The following FOXP1 variants were observed in gnomAD, a reference collection of about 807,000 sequenced individuals.
FOXP1 encodes the protein forkhead box P1.
FOXP1 carries 15 observed loss-of-function variants against 98.2 expected under a neutral mutation model. The ratio of observed to expected loss-of-function variants is 0.15; its 90% CI spans 0.10 to 0.24. The LOEUF (loss-of-function observed/expected upper bound fraction) is 0.24. Among genes scored for constraint, FOXP1 ranks in the 10% least tolerant of loss-of-function variants. FOXP1 has a pLI of 1.00. For missense variants in FOXP1, 633 were observed against 848.5 expected (o/e 0.75, Z 3.15); for synonymous variants, 371 against 314.5 (o/e 1.18, Z -1.90).
At chr3:71,470,390 A>T (rs2089215115) in intron 3 of FOXP1, among the ~76,000 whole-genome samples, 1 of 152,254 alleles carries the variant, frequency 6.6e-6, no homozygotes, top group Admixed American at 6.5e-5. Context: ...GTTGTTATTC[A>T]TAAGTAATTC....
intron 13 of FOXP1, among the ~76,000 whole-genome samples, chr3:70,989,265 T>TA (rs1394138993): frequency 6.6e-6 from 1 of 151,772 alleles, no homozygotes; most frequent in Non-Finnish European, 1.5e-5. Context: ...AGCTTATCCC[T>TA]ACTGGATGAC....
rs747949694 is a variant in FOXP1, at chr3:70,973,244, G to GCCCCCGCCCCCGC, written c.1531-569_1531-568insGCGGGGGCGGGGG. Reference sequence around the variant, plus strand: ...GGTGGTGAACGGACCCCCCGCCCCCGCCCCGCCCCGCCCCGGTCAAGAGAT... The same window carrying GCCCCCGCCCCCGC: ...GGTGGTGAACGGACCCCCCGCCCCCGCCCCCGCCCCCGCCCCCGCCCCGCCCCGGTCAAGAGAT... On this transcript the variant is annotated intron_variant, in intron 17 of 20. Transcript: ENST00000649528. Among the ~76,000 whole-genome samples the GCCCCCGCCCCCGC allele has an allele frequency of 6.8e-5, 4 of 58,920 alleles. No homozygotes were observed. The East Asian group carries it at 1.9e-3, about 29-fold the overall frequency. 38.7% of individuals were successfully genotyped at this position (58,920 alleles called of 152,430 possible). A position where few individuals can be genotyped will look rare whatever the true frequency, so the allele number is the denominator to read the frequency against.
At chr3:71,269,885 A>C (rs1180826819) in intron 5 of FOXP1, among the ~76,000 whole-genome samples, 2 of 152,198 alleles carry the variant, frequency 1.3e-5, no homozygotes, top group African/African-American at 4.8e-5. Context: ...TCATATGCTA[A>C]GAGATTAAGG....
intron 4 of FOXP1, among the ~76,000 whole-genome samples, chr3:71,341,630 C>A (rs373968347): frequency 6.6e-6 from 1 of 152,098 alleles, no homozygotes; most frequent in Non-Finnish European, 1.5e-5. Flanking sequence ...ACCCAGTAGG[C>A]GGAGGTTGCT....
At chr3:71,466,682 C>T (rs1032756507) in intron 3 of FOXP1, among the ~76,000 whole-genome samples, 1 of 152,126 alleles carries the variant, frequency 6.6e-6, no homozygotes, top group Non-Finnish European at 1.5e-5. Context: ...GCTGACTCAG[C>T]GCTGAGTGCA....
At chr3:71,096,828 C>T (rs1015739132) in intron 7 of FOXP1, among the ~76,000 whole-genome samples, 1 of 152,196 alleles carries the variant, frequency 6.6e-6, no homozygotes, top group African/African-American at 2.4e-5. Context: ...TATAAGCCAA[C>T]TGTAGCCCTG....
chr3:71,324,213 T>C (rs1407369381), intron 4 of FOXP1, among the ~76,000 whole-genome samples: 1 of 152,188 alleles, frequency 6.6e-6, no homozygotes, highest in Non-Finnish European at 1.5e-5. Context: ...ACACATGTTG[T>C]TTAGTTCTGA....
At chr3:70,979,300 A>AAAAAAAAAAAAAAAG (rs2038309841) in intron 14 of FOXP1, among the ~76,000 whole-genome samples, 1 of 115,032 alleles carries the variant, frequency 8.7e-6, no homozygotes, top group Non-Finnish European at 2.0e-5. Flanking sequence ...AAAAAAAAAA[A>AAAAAAAAAAAAAAAG]AAAAAAAAAA....
chr3:71,471,520 A>G (rs751303570), intron 3 of FOXP1, among the ~76,000 whole-genome samples: 15 of 152,196 alleles, frequency 9.9e-5, no homozygotes, highest in Non-Finnish European at 1.8e-4. Context: ...TACACCTTCT[A>G]GTCATTCCAC....
intron 6 of FOXP1, among the ~76,000 whole-genome samples, chr3:71,185,081 T>C (rs767986340): frequency 2.0e-5 from 3 of 152,000 alleles, no homozygotes; most frequent in Non-Finnish European, 4.4e-5. Context: ...TAATCCCAGC[T>C]ACTCAGGAGG....
chr3:71,550,040 A>C (rs1435158709), intron 2 of FOXP1, among the ~76,000 whole-genome samples: 1 of 152,220 alleles, frequency 6.6e-6, no homozygotes, highest in Non-Finnish European at 1.5e-5. Context: ...TCATTGTATA[A>C]AAGTACTGCA....
At chr3:71,476,495 C>T (rs2089855564) in intron 3 of FOXP1, among the ~76,000 whole-genome samples, 1 of 151,920 alleles carries the variant, frequency 6.6e-6, no homozygotes, top group East Asian at 1.9e-4. Context: ...CATTTCATTG[C>T]AGAATGAGTC....
intron 2 of FOXP1, among the ~76,000 whole-genome samples, chr3:71,528,390 A>C (rs2043565282): frequency 6.6e-6 from 1 of 152,272 alleles, no homozygotes; most frequent in African/African-American, 2.4e-5. Context: ...TTAAACGCCT[A>C]ATTATATACC....
intron 5 of FOXP1, among the ~76,000 whole-genome samples, chr3:71,245,991 G>A (rs1038518673): frequency 8.5e-6 from 1 of 118,124 alleles, no homozygotes; most frequent in Admixed American, 7.7e-5. Flanking sequence ...CACTTAGTAC[G>A]AAAACCACCC....
intron 4 of FOXP1, among the ~76,000 whole-genome samples, chr3:71,304,991 G>T (rs1486269873): frequency 1.3e-5 from 2 of 151,984 alleles, no homozygotes; most frequent in African/African-American, 4.8e-5. Flanking sequence ...TCCTTGGATG[G>T]TTCACCCTTG....
intron 13 of FOXP1, among the ~76,000 whole-genome samples, chr3:70,994,444 A>G (rs1357363019): frequency 2.0e-5 from 3 of 152,120 alleles, no homozygotes; most frequent in Non-Finnish European, 4.4e-5. Context: ...TCCTTATCCT[A>G]CAATCTAGGC....
intron 3 of FOXP1, among the ~76,000 whole-genome samples, chr3:71,451,630 TA>T (rs1394655021): frequency 6.6e-6 from 1 of 152,060 alleles, no homozygotes; most frequent in East Asian, 1.9e-4. Flanking sequence ...AACAATACAG[TA>T]ATTAAAGTAC....
chr3:71,132,229 T>A (rs2059609737), intron 6 of FOXP1, among the ~76,000 whole-genome samples: 1 of 152,122 alleles, frequency 6.6e-6, no homozygotes, highest in Non-Finnish European at 1.5e-5. Context: ...GAGCTATAAG[T>A]AGTTCGAGAT....
At chr3:71,402,243 A>C (rs2081999564) in intron 3 of FOXP1, among the ~76,000 whole-genome samples, 1 of 152,170 alleles carries the variant, frequency 6.6e-6, no homozygotes, top group South Asian at 2.1e-4. Context: ...TCACTTGAGC[A>C]CAGAAGTTTG....
Sources: allele counts gnomAD v4.1 joint callset (sites outside exome capture counted in the v4.1 genomes callset), GRCh38; gene constraint gnomAD v4.1.1; transcripts MANE v1.5; gene names NCBI Gene and HGNC (gene_info 2026-07-23, HGNC 2026-07-21).